Variants in PHKG1 observed in about 807,000 individuals in gnomAD.
PHKG1 encodes the protein phosphorylase b kinase gamma catalytic chain, skeletal muscle/heart isoform.
Under a neutral mutation model 50.5 loss-of-function variants are expected in PHKG1, and 48 were observed. That is an observed-to-expected ratio of 0.95 (90% CI 0.75 to 1.21). The LOEUF is 1.21. Ranked by LOEUF, PHKG1 falls within the 50% of genes most tolerant of loss-of-function variation. The pLI is 0.00. For synonymous variants in PHKG1, 204 were observed against 212.8 expected (o/e 0.96, Z 0.36); for missense variants, 487 against 519.5 (o/e 0.94, Z 0.61).
At chr7:56,090,592 G>T (rs993796172) in intron 1 of PHKG1, among the ~76,000 whole-genome samples, 2 of 152,100 alleles carry the variant, frequency 1.3e-5, no homozygotes, top group Non-Finnish European at 2.9e-5. Context: ...TCACTTGTCA[G>T]TGTATGCTGT....
intron 6 of PHKG1, 121 bp downstream of exon 6, chr7:56,083,157 T>G: frequency 1.2e-6 from 1 of 805,492 alleles, no homozygotes; most frequent in Non-Finnish European, 1.9e-6. Flanking sequence ...GCCCTTGAAA[T>G]GGTGGAATTT....
At chr7:56,083,609 C>T (rs1170816776) in intron 5 of PHKG1, 41 bp downstream of exon 5, 3 of 1,549,920 alleles carry the variant, frequency 1.9e-6, no homozygotes. Context: ...GGCCCTAAGC[C>T]ACGTGGGAGG....
In PHKG1 at chr7:56,081,188, G is replaced by A. The variant is rs765359269; in HGVS notation, c.1030C>T (p.Arg344Cys). The A allele has an allele frequency of 9.3e-6, 15 of 1,613,814 alleles. No homozygotes were observed. In the African/African-American group the frequency reaches 1.2e-4, roughly 13 times the overall value. The change falls in exon 10 of 10, where the codon CGC (arginine) becomes TGC (cysteine). Residue 344 changes from arginine (R) to cysteine (C), a missense_variant. Transcript: ENST00000297373. The surrounding 1 kb of genome is among the most constrained non-coding windows in gnomAD (Gnocchi z 4.6). Reference protein sequence around the residue: ...IRDPYALRPLRRLIDAYAFRI... With the variant: ...IRDPYALRPLCRLIDAYAFRI... ...AAAGCGTAGGCGTCGATGAGCCGGC[G>A]CAGAGGCCGGAGGGCATAGGGGTCT... is the stretch of plus-strand genomic sequence containing the variant.
At position 56,084,513 on chromosome 7, in the gene PHKG1, A is replaced by G. The variant is rs141349477; in HGVS notation, c.318-798T>C. Among the ~76,000 whole-genome samples, 809 of 151,622 alleles carry G rather than the reference A, an allele frequency of 5.3e-3. 8 individuals carry two copies. Among genetic ancestry groups the G allele is most frequent in the African/African-American group, 0.019 (778 of 41,302 alleles). On this transcript the variant is annotated intron_variant, in intron 4 of 9. Coordinates refer to ENST00000297373, the MANE Select transcript of PHKG1 (RefSeq NM_006213.5). ...CTCAGCCTCCCGAGTAGCTGGGATTACAGGTGCCCACTACCACACCCAGCT... is the reference window on the plus strand; with the variant it reads ...CTCAGCCTCCCGAGTAGCTGGGATTGCAGGTGCCCACTACCACACCCAGCT...
chr7:56,082,283 C>A, intron 6 of PHKG1, 30 bp from the exon 7 acceptor site: 1 of 1,554,816 alleles, frequency 6.4e-7, no homozygotes, highest in South Asian at 1.1e-5. Flanking sequence ...CAGGGCAGGT[C>A]AGCAGGGCAC....
In PHKG1 at chr7:56,087,679, G is replaced by C. The variant is rs768793774; in HGVS notation, c.181C>G (p.Pro61Ala). Residue 61 changes from proline (P) to alanine (A), a missense_variant, in exon 3 of 10, where the codon CCG (proline) becomes GCG (alanine). Transcript: ENST00000297373. Reference sequence around the variant, plus strand: ...TCTCGCAGCTCCCGCACCTCCTCCGGGCTGAAGCTGCCTCCACCGGTGACG... The same window carrying C: ...TCTCGCAGCTCCCGCACCTCCTCCGCGCTGAAGCTGCCTCCACCGGTGACG... ...IDVTGGGSFS[P>A]EEVRELREAT... 6.2e-7 allele frequency: 1 copy of C among 1,613,994 alleles called. No individual in the cohort carries two copies. Among genetic ancestry groups the C allele is most frequent in the Non-Finnish European group, 8.5e-7 (1 of 1,180,030 alleles).
chr7:56,087,227 A>ATTATT (rs1796294816), intron 3 of PHKG1, among the ~76,000 whole-genome samples: 1 of 147,648 alleles, frequency 6.8e-6, no homozygotes, highest in South Asian at 2.1e-4. Flanking sequence ...TATTATTATT[A>ATTATT]TTATTATTAT....
At chr7:56,089,510 G>A (rs549011477) in intron 1 of PHKG1, among the ~76,000 whole-genome samples, 2 of 151,868 alleles carry the variant, frequency 1.3e-5, no homozygotes, top group South Asian at 4.2e-4. Context: ...CTGGGCTCAA[G>A]CGATCCTCAC....
Position 56,080,581 on chromosome 7 carries a change from T to G in PHKG1, c.*473A>C, listed in dbSNP as rs925037327. On this transcript the variant is annotated 3_prime_UTR_variant, in exon 10 of 10. Transcript: ENST00000297373. Reference sequence around the variant, plus strand: ...GCCTGGGCCCCCTTCTCCATATGCCTCCAAAAACATGTCCCTGGAGAGTAG... The same window carrying G: ...GCCTGGGCCCCCTTCTCCATATGCCGCCAAAAACATGTCCCTGGAGAGTAG... 8 of 175,788 alleles carry G rather than the reference T, an allele frequency of 4.6e-5. No homozygotes were observed. The highest frequency in any genetic ancestry group is 9.7e-5 in the Non-Finnish European group (8 of 82,520). 10.9% of individuals were successfully genotyped at this position (175,788 alleles called of 1,614,324 possible). A position where few individuals can be genotyped will look rare whatever the true frequency, so the allele number is the denominator to read the frequency against.
chr7:56,083,445 G>A lies in PHKG1; in HGVS notation c.384-4C>T. ...CAGCAGAGCTCGCATGATCTTTCTAGGGTGGGGCACACACTTGTTACTCTT... is the reference window on the plus strand; with the variant it reads ...CAGCAGAGCTCGCATGATCTTTCTAAGGTGGGGCACACACTTGTTACTCTT... On this transcript the variant is annotated splice_polypyrimidine_tract_variant and splice_region_variant and intron_variant, in intron 5 of 9. Transcript: ENST00000297373. The A allele has an allele frequency of 1.2e-6, 2 of 1,614,036 alleles. No homozygotes were observed. Among genetic ancestry groups the A allele is most frequent in the Non-Finnish European group, 1.7e-6 (2 of 1,179,938 alleles).
At chr7:56,088,355 TA>T (rs1028379142) in intron 2 of PHKG1, among the ~76,000 whole-genome samples, 20 of 104,300 alleles carry the variant, frequency 1.9e-4, no homozygotes, top group South Asian at 1.9e-3. Flanking sequence ...CCCCCCTTTT[TA>T]AAAAAAAAAA....
rs187812855 is a variant in PHKG1, at chr7:56,081,447, C to T, written c.919-148G>A. The T allele has an allele frequency of 1.1e-5, 14 of 1,287,932 alleles. No individual in the cohort carries two copies. The highest frequency in any genetic ancestry group is 2.7e-4 in the Middle Eastern group (1 of 3,642). 79.8% of individuals were successfully genotyped at this position (1,287,932 alleles called of 1,614,324 possible). On this transcript the variant is annotated intron_variant, in intron 9 of 9. Transcript: ENST00000297373. The surrounding 1 kb of genome is among the most constrained non-coding windows in gnomAD (Gnocchi z 4.6). ...TAGTGTCCCCCACTTCCCACTTGGC[C>T]AGCATCCTCAGGGACCGAGCCAGTG...
Position 56,080,519 on chromosome 7 carries a change from C to T in PHKG1, c.*535G>A. Reference sequence around the variant, plus strand: ...CCTCAAGCGATCCTCCCACCTCGACCTCCCAAAGTGCTGGGATTACAGGTG... The same window carrying T: ...CCTCAAGCGATCCTCCCACCTCGACTTCCCAAAGTGCTGGGATTACAGGTG... On this transcript the variant is annotated 3_prime_UTR_variant, in exon 10 of 10. Transcript: ENST00000297373. 6.1e-6 allele frequency: 1 copy of T among 163,828 alleles called. No homozygotes were observed. The highest frequency in any genetic ancestry group is 1.3e-5 in the Non-Finnish European group (1 of 75,520). 10.1% of individuals were successfully genotyped at this position (163,828 alleles called of 1,614,324 possible).
chr7:56,086,813 G>A, intron 4 of PHKG1, 157 bp downstream of exon 4: 1 of 638,842 alleles, frequency 1.6e-6, no homozygotes, highest in East Asian at 2.6e-5. Flanking sequence ...AAAGCCGGCA[G>A]CCTGACCCCA....
At chr7:56,082,107 C>G (rs1264476995) in intron 7 of PHKG1, 56 bp downstream of exon 7, 1 of 1,611,218 alleles carries the variant, frequency 6.2e-7, no homozygotes, top group Non-Finnish European at 8.5e-7. Context: ...CCAGCCCTGC[C>G]TACTTCCTCC....
intron 4 of PHKG1, among the ~76,000 whole-genome samples, chr7:56,084,566 G>A (rs1226107630): frequency 3.3e-5 from 5 of 151,976 alleles, no homozygotes; most frequent in East Asian, 1.9e-4. Flanking sequence ...TAGAGACAGC[G>A]TTTCATCATG....
chr7:56,087,194 T>TTTA (rs56665611), intron 3 of PHKG1, among the ~76,000 whole-genome samples, 170 bp from the exon 4 acceptor site: 18,527 of 135,894 alleles, frequency 0.14, 1,315 homozygotes, highest in East Asian at 0.21. Context: ...GCCCAGGGAC[T>TTTA]TTATTATTAT....
chr7:56,080,481 C>G lies in PHKG1; in HGVS notation c.*573G>C, dbSNP rs1795911838. 6.2e-6 allele frequency: 1 copy of G among 161,334 alleles called. No homozygotes were observed. Among genetic ancestry groups the G allele is most frequent in the Non-Finnish European group, 1.3e-5 (1 of 74,174 alleles). The allele number at this position is 161,334 out of a possible 1,614,324, so 10.0% of individuals were successfully genotyped here. On this transcript the variant is annotated 3_prime_UTR_variant, in exon 10 of 10. Coordinates refer to ENST00000297373, the MANE Select transcript of PHKG1 (RefSeq NM_006213.5). ...ATCTCGCTCTGTTGCCCAGGGTGGTCTCGAACTCCTGGCCTCAAGCGATCC... is the reference window on the plus strand; with the variant it reads ...ATCTCGCTCTGTTGCCCAGGGTGGTGTCGAACTCCTGGCCTCAAGCGATCC...
chr7:56,082,888 G>A (rs988050669), intron 6 of PHKG1, among the ~76,000 whole-genome samples: 1 of 151,778 alleles, frequency 6.6e-6, no homozygotes, highest in Non-Finnish European at 1.5e-5. Context: ...CGGGCGGATC[G>A]TAAGGTCAGG....
Sources: gnomAD v4.1 joint callset for allele counts (sites outside exome capture counted in the v4.1 genomes callset) on GRCh38, gnomAD v4.1.1 for gene constraint, Gnocchi (gnomAD v3.1) non-coding constraint, MANE v1.5 for transcripts, NCBI Gene and HGNC (gene_info 2026-07-23, HGNC 2026-07-21) for gene names.